The following XPR1 variants were observed in gnomAD, a reference collection of about 807,000 sequenced individuals.
The protein encoded by XPR1 is solute carrier family 53 member 1.
Under a neutral mutation model 87.5 loss-of-function variants are expected in XPR1, and 28 were observed. That is an observed-to-expected ratio of 0.32 (90% confidence interval 0.24 to 0.44). The LOEUF (loss-of-function observed/expected upper bound fraction) is 0.44. Among genes scored for constraint, XPR1 ranks in the 20% least tolerant of loss-of-function variants. The pLI is 1.00. For missense variants in XPR1, 559 were observed against 862.3 expected (o/e 0.65, Z 4.41); for synonymous variants, 300 against 306.1 (o/e 0.98, Z 0.21).
intron 2 of XPR1, among the ~76,000 whole-genome samples, chr1:180,784,884 T>C (rs1444852221): frequency 1.3e-5 from 2 of 151,590 alleles, no homozygotes; most frequent in African/African-American, 4.9e-5. Flanking sequence ...TTAATTACAG[T>C]AGTTTACCAA....
At chr1:180,825,445 CG>C in intron 9 of XPR1, 101 bp downstream of exon 9, 1 of 1,241,186 alleles carries the variant, frequency 8.1e-7, no homozygotes, top group Non-Finnish European at 1.1e-6. Context: ...CTGCAGAGGC[CG>C]TGGTTCACAT....
intron 11 of XPR1, 94 bp downstream of exon 11, chr1:180,836,810 G>T: frequency 7.0e-7 from 1 of 1,436,088 alleles, no homozygotes; most frequent in Non-Finnish European, 9.5e-7. Flanking sequence ...CATTTGTCAT[G>T]CTCTTTTTTT....
At chr1:180,826,945 G>A (rs756054590) in intron 9 of XPR1, among the ~76,000 whole-genome samples, 5 of 151,764 alleles carry the variant, frequency 3.3e-5, no homozygotes, top group African/African-American at 7.3e-5. Flanking sequence ...CCTGAAGTCC[G>A]GAGTTCAAGA....
chr1:180,798,176 T>C (rs1649654457), intron 3 of XPR1, among the ~76,000 whole-genome samples: 1 of 151,988 alleles, frequency 6.6e-6, no homozygotes, highest in Admixed American at 6.6e-5. Flanking sequence ...ATATATCTAA[T>C]ATGATTAAAA....
At chr1:180,786,475 G>A (rs1331911448) in intron 2 of XPR1, among the ~76,000 whole-genome samples, 1 of 152,108 alleles carries the variant, frequency 6.6e-6, no homozygotes. Flanking sequence ...CCAGGAATAG[G>A]ATAGTTCTGT....
At chr1:180,804,940 A>T (rs917018550) in intron 4 of XPR1, among the ~76,000 whole-genome samples, 1 of 152,224 alleles carries the variant, frequency 6.6e-6, no homozygotes, top group Non-Finnish European at 1.5e-5. Context: ...TGTGTGTTAC[A>T]TGGAAAAATC....
rs1319907899 is a variant in XPR1 at position 180,639,023 on chromosome 1, A to G, written c.69+6753A>G. Among the ~76,000 whole-genome samples, 5 of 152,168 alleles carry G rather than the reference A, an allele frequency of 3.3e-5. No homozygotes were observed. In the South Asian group the frequency reaches 8.3e-4, roughly 25 times the overall value. The stretch of plus-strand genomic sequence containing the variant: ...AAATGTTTTAAAAATTAGGCTGGGC[A>G]TGGTGGCTCACACCTGTAATCCCAG... On this transcript the variant is annotated intron_variant, in intron 1 of 14. Coordinates refer to ENST00000367590, the MANE Select transcript of XPR1 (RefSeq NM_004736.4).
chr1:180,879,816 A>G (rs1407399368), intron 13 of XPR1, among the ~76,000 whole-genome samples: 1 of 152,174 alleles, frequency 6.6e-6, no homozygotes, highest in Non-Finnish European at 1.5e-5. Flanking sequence ...CATTCAGTAA[A>G]TATTTGTCAA....
At chr1:180,823,793 A>G (rs1302648591) in intron 7 of XPR1, among the ~76,000 whole-genome samples, 1 of 152,208 alleles carries the variant, frequency 6.6e-6, no homozygotes, top group Non-Finnish European at 1.5e-5. Context: ...TAACTAAGCA[A>G]ATGACAACCT....
rs778247901 is a variant in XPR1 at position 180,744,654 on chromosome 1, C to CTTTCTTTTTTT, written c.122-43096_122-43095insCTTTTTTTTTT. Among the ~76,000 whole-genome samples, 33 of 102,404 alleles carry CTTTCTTTTTTT rather than the reference C, an allele frequency of 3.2e-4. 1 individual carries two copies. Among genetic ancestry groups the CTTTCTTTTTTT allele is most frequent in the Non-Finnish European group, 4.2e-4 (23 of 54,472 alleles). 67.2% of individuals were successfully genotyped at this position (102,404 alleles called of 152,430 possible). ...GTTCAGGTTTAGGCACAATTTCTTT[C>CTTTCTTTTTTT]TTTTTTTTTTTTTTGAGACAGAATC... On this transcript the variant is annotated intron_variant, in intron 2 of 14. Coordinates refer to ENST00000367590, the MANE Select transcript of XPR1 (RefSeq NM_004736.4).
chr1:180,636,517 A>T (rs1379238567), intron 1 of XPR1, among the ~76,000 whole-genome samples: 1 of 152,212 alleles, frequency 6.6e-6, no homozygotes, highest in Non-Finnish European at 1.5e-5. Flanking sequence ...TTGTCCGTTT[A>T]TCCTGAAGGT....
Position 180,715,969 on chromosome 1 carries a change from G to A in XPR1, c.121+33558G>A, listed in dbSNP as rs758222058. ...ATTACAGGTGTAAGTCACCGTACCC[G>A]GCTGAGAAGTTGTTTTAATGAAAGC... On this transcript the variant is annotated intron_variant, in intron 2 of 14. Transcript: ENST00000367590. Among the ~76,000 whole-genome samples, 6 of 152,102 alleles carry A rather than the reference G, an allele frequency of 3.9e-5. No homozygotes were observed. In the East Asian group the frequency reaches 7.7e-4, roughly 20 times the overall value.
intron 2 of XPR1, among the ~76,000 whole-genome samples, chr1:180,718,669 A>ATTTTT (rs34441510): frequency 1.5e-5 from 2 of 134,822 alleles, no homozygotes; most frequent in Admixed American, 7.6e-5. Context: ...GAGCATCTGT[A>ATTTTT]TTTTTTTTTT....
intron 11 of XPR1, among the ~76,000 whole-genome samples, chr1:180,861,383 T>C (rs1273283950): frequency 6.6e-6 from 1 of 152,078 alleles, no homozygotes; most frequent in Admixed American, 6.6e-5. Flanking sequence ...AGTAGATGAA[T>C]TGTAGTATCT....
intron 2 of XPR1, among the ~76,000 whole-genome samples, chr1:180,771,828 G>A (rs1430861306): frequency 6.6e-6 from 1 of 151,970 alleles, no homozygotes; most frequent in Non-Finnish European, 1.5e-5. Context: ...TTATTTTATT[G>A]GTAGTATTAA....
chr1:180,669,444 G>A (rs149148144), intron 1 of XPR1, among the ~76,000 whole-genome samples: 9 of 151,980 alleles, frequency 5.9e-5, no homozygotes, highest in East Asian at 5.8e-4. Flanking sequence ...GTGCAGTGGC[G>A]CAATCTTGGC....
At chr1:180,841,947 T>C (rs544886829) in intron 11 of XPR1, among the ~76,000 whole-genome samples, 1 of 152,286 alleles carries the variant, frequency 6.6e-6, no homozygotes, top group African/African-American at 2.4e-5. Context: ...GAAGTAGAAT[T>C]TGTTAAAGAA....
intron 3 of XPR1, among the ~76,000 whole-genome samples, chr1:180,799,135 A>T (rs1649693025): frequency 6.6e-6 from 1 of 152,200 alleles, no homozygotes; most frequent in Admixed American, 6.5e-5. Flanking sequence ...TGACAGTTTC[A>T]TCTTCCAATT....
In XPR1 at chr1:180,884,583, C is replaced by T. The variant is rs1061015; in HGVS notation, c.*517C>T. ...AGGAAAAGTGCAACTTAAAGCAGTACCTTCATTCATGAAGCTACTTTTTAA... is the reference window on the plus strand; with the variant it reads ...AGGAAAAGTGCAACTTAAAGCAGTATCTTCATTCATGAAGCTACTTTTTAA... On this transcript the variant is annotated 3_prime_UTR_variant, in exon 15 of 15. Coordinates refer to ENST00000367590, the MANE Select transcript of XPR1 (RefSeq NM_004736.4). 47,650 of 152,586 alleles carry T rather than the reference C, an allele frequency of 0.31. 8,173 individuals carry two copies. The highest frequency in any genetic ancestry group is 0.38 in the Non-Finnish European group (25,715 of 68,018). 9.5% of individuals were successfully genotyped at this position (152,586 alleles called of 1,614,324 possible).
Sources: allele counts gnomAD v4.1 joint callset (sites outside exome capture counted in the v4.1 genomes callset), GRCh38; gene constraint gnomAD v4.1.1; transcripts MANE v1.5; gene names NCBI Gene and HGNC (gene_info 2026-07-23, HGNC 2026-07-21).